HUWE1: variants seen among roughly 807,000 people sequenced by gnomAD.
HUWE1 encodes the protein E3 ubiquitin-protein ligase HUWE1.
A neutral mutation model predicts 299.4 loss-of-function variants in HUWE1; 18 were observed. The ratio of observed to expected loss-of-function variants is 0.06; its 90% CI spans 0.04 to 0.09. HUWE1 has a LOEUF of 0.09. HUWE1 is among the 10% of genes least tolerant of loss of function. HUWE1 has a pLI of 1.00. For synonymous variants in HUWE1, 1,317 were observed against 1,286.1 expected (o/e 1.02, Z -0.51); for missense variants, 1,832 against 3,462.3 (o/e 0.53, Z 11.82).
At chrX:53,549,886 G>A (rs2061697575) in intron 66 of HUWE1, among the ~76,000 whole-genome samples, 2 of 109,443 alleles carry the variant, frequency 1.8e-5, no homozygotes, top group South Asian at 8.1e-4. Context: ...CCGAGTAGCT[G>A]GGATTACTAG....
At position 53,653,739 on chromosome X, in the gene HUWE1, A is replaced by T. The variant is rs781947406; in HGVS notation, c.45+324T>A. ...ATCCCAGAAGTACATTAAAAATCTG[A>T]ACCCATATCTGCTCTTTCCATTATA... On this transcript the variant is annotated intron_variant, in intron 4 of 83. Transcript: ENST00000262854. Among the ~76,000 whole-genome samples the T allele has an allele frequency of 2.7e-5, 3 of 112,417 alleles. No individual in the cohort carries two copies. In the East Asian group the frequency reaches 8.4e-4, roughly 31 times the overall value.
At chrX:53,637,545 T>C (rs1419060930) in intron 7 of HUWE1, among the ~76,000 whole-genome samples, 2 of 112,609 alleles carry the variant, frequency 1.8e-5, no homozygotes, top group African/African-American at 6.5e-5. Context: ...TTCCAACTAA[T>C]TGTTTCAGAA....
intron 47 of HUWE1, among the ~76,000 whole-genome samples, chrX:53,571,840 T>C (rs1025936136): frequency 2.7e-5 from 3 of 111,722 alleles, no homozygotes; most frequent in Non-Finnish European, 5.6e-5. Flanking sequence ...ATCTCCCATA[T>C]GCTGCTGGTA....
At chrX:53,557,349 T>G in intron 60 of HUWE1, 33 bp downstream of exon 60, 1 of 1,172,190 alleles carries the variant, frequency 8.5e-7, no homozygotes, top group Non-Finnish European at 1.2e-6. Context: ...AACCAATTGA[T>G]TAGTAAGAAG....
intron 76 of HUWE1, 142 bp from the exon 77 acceptor site, chrX:53,538,596 C>A: frequency 1.8e-6 from 1 of 553,217 alleles, no homozygotes; most frequent in Non-Finnish European, 3.1e-6. Context: ...AAGGGCCAGC[C>A]CTTGAGGTGT....
At position 53,580,822 on chromosome X, in the gene HUWE1, G is replaced by A. The variant is rs1349157968; in HGVS notation, c.5716+9C>T. The A allele has an allele frequency of 9.9e-6, 12 of 1,210,573 alleles. No homozygotes were observed. Among genetic ancestry groups the A allele is most frequent in the South Asian group, 3.5e-5 (2 of 56,971 alleles). On this transcript the variant is annotated intron_variant, in intron 43 of 83. Transcript: ENST00000262854. ...TTAATATCAAAGGCCAGGAGCAAGC[G>A]AAACTTACCAGTTCCTGAGCCTCGA...
At position 53,575,180 on chromosome X, in the gene HUWE1, G is replaced by A. The variant is rs782189404; in HGVS notation, c.6072C>T (p.Ser2024=). The change falls in exon 46 of 84, where the codon TCC becomes TCT. Residue 2024 remains serine (S), a synonymous_variant. Coordinates refer to ENST00000262854, the MANE Select transcript of HUWE1 (RefSeq NM_031407.7). The stretch of plus-strand genomic sequence containing the variant: ...CCTCTCCTTGGGAGGTCCCAGATGC[G>A]GAAGTCTCAGTGGAGGCACCATCTG... ...FAADGASTET[S]ASGTSQGEAS... is the part of the protein sequence containing the mutation. The A allele has an allele frequency of 2.5e-6, 3 of 1,204,361 alleles. No individual in the cohort carries two copies. The highest frequency in any genetic ancestry group is 3.0e-5 in the East Asian group (1 of 33,807).
rs1397562308 is a variant in HUWE1, at chrX:53,604,453, T to G, written c.2742+136A>C. 5.9e-6 allele frequency: 4 copies of G among 680,152 alleles called. No homozygotes were observed. In the East Asian group the frequency reaches 1.0e-4, roughly 17 times the overall value. 56.1% of individuals were successfully genotyped at this position (680,152 alleles called of 1,213,427 possible). On this transcript the variant is annotated intron_variant, in intron 26 of 83. Coordinates refer to ENST00000262854, the MANE Select transcript of HUWE1 (RefSeq NM_031407.7). ...CAACTTTTTGACAGTCAAAAAAATC[T>G]CATCCTAAATTGGACTGTTCTTTTA... is the stretch of plus-strand genomic sequence containing the variant.
chrX:53,542,587 C>T, intron 73 of HUWE1, 48 bp from the exon 74 acceptor site: 1 of 867,396 alleles, frequency 1.2e-6, no homozygotes, highest in Non-Finnish European at 1.7e-6. Context: ...ACTCTGCTTT[C>T]CTTAGAGACA....
chrX:53,656,056 G>A (rs1428606400), intron 3 of HUWE1, among the ~76,000 whole-genome samples: 2 of 110,554 alleles, frequency 1.8e-5, no homozygotes, highest in Non-Finnish European at 1.9e-5. Flanking sequence ...TCCAGCCTGG[G>A]CAACAGAGCG....
At chrX:53,682,817 A>C (rs781987981) in intron 2 of HUWE1, among the ~76,000 whole-genome samples, 59 of 111,725 alleles carry the variant, frequency 5.3e-4, no homozygotes, top group African/African-American at 1.9e-3. Flanking sequence ...CAGGGAAGAC[A>C]GAAAGCGGGT....
intron 61 of HUWE1, 132 bp downstream of exon 61, chrX:53,554,501 C>T: frequency 1.5e-6 from 1 of 651,082 alleles, no homozygotes; most frequent in East Asian, 3.5e-5. Flanking sequence ...AGTGAATGCG[C>T]AAGACGAGAT....
intron 81 of HUWE1, among the ~76,000 whole-genome samples, chrX:53,535,108 T>TG (rs2060963254): frequency 1.8e-5 from 2 of 110,951 alleles, no homozygotes; most frequent in Admixed American, 1.9e-4. Context: ...GGCTAATTTT[T>TG]TATTTTAGTA....
intron 3 of HUWE1, among the ~76,000 whole-genome samples, chrX:53,662,141 A>C (rs2069033977): frequency 2.7e-5 from 3 of 110,898 alleles, no homozygotes; most frequent in Non-Finnish European, 5.7e-5. Flanking sequence ...AAGTTGCAGA[A>C]TTTCAGGCCC....
chrX:53,610,717 G>A (rs1426494751), intron 23 of HUWE1, among the ~76,000 whole-genome samples: 1 of 111,834 alleles, frequency 8.9e-6, no homozygotes, highest in African/African-American at 3.3e-5. Context: ...TCTGACAAAG[G>A]AGCCCTCCCA....
intron 9 of HUWE1, chrX:53,631,938 CA>C: frequency 3.0e-6 from 1 of 331,551 alleles, no homozygotes; most frequent in Non-Finnish European, 5.3e-6. Context: ...AGACCAAATT[CA>C]TGAAAATATT....
intron 25 of HUWE1, among the ~76,000 whole-genome samples, chrX:53,607,005 AT>A (rs1272619593): frequency 9.0e-6 from 1 of 111,591 alleles, no homozygotes; most frequent in Non-Finnish European, 1.9e-5. Flanking sequence ...AAGAAGCTTC[AT>A]TTTTGGCAAA....
intron 83 of HUWE1, 187 bp from the exon 84 acceptor site, chrX:53,533,598 C>G (rs1038374391): frequency 8.1e-5 from 38 of 466,994 alleles, no homozygotes; most frequent in Non-Finnish European, 1.3e-4. Flanking sequence ...CATCAGGCAC[C>G]AAAACCAAAA....
At chrX:53,642,279 A>C (rs1459379911) in intron 7 of HUWE1, among the ~76,000 whole-genome samples, 7 of 112,007 alleles carry the variant, frequency 6.2e-5, no homozygotes, top group African/African-American at 2.3e-4. Context: ...TTGAAACTAT[A>C]TGTTGCATTG....
Sources: gnomAD v4.1 joint callset for allele counts (sites outside exome capture counted in the v4.1 genomes callset) on GRCh38, gnomAD v4.1.1 for gene constraint, MANE v1.5 for transcripts, NCBI Gene and HGNC (gene_info 2026-07-23, HGNC 2026-07-21) for gene names.